The following CDKN2B-AS1 variants were observed in gnomAD, a reference collection of about 807,000 sequenced individuals.
CDKN2B-AS1 encodes CDKN2B and CDKN2A antisense cis and trans regulatory RNA 1.
chr9:22,097,222 T>C (rs1825314212), intron 4 of CDKN2B-AS1: 1 of 152,204 alleles, frequency 6.6e-6, no homozygotes, highest in South Asian at 2.1e-4. Context: ...GATGAGCCCA[T>C]TGGATTTCCC....
At chr9:22,104,893 G>A (rs938521624) in intron 4 of CDKN2B-AS1, among the ~76,000 whole-genome samples, 3 of 152,186 alleles carry the variant, frequency 2.0e-5, no homozygotes, top group South Asian at 2.1e-4. Flanking sequence ...TAAATACCAG[G>A]GACTTTGCTA....
At chr9:22,100,889 C>T (rs1445670011) in intron 4 of CDKN2B-AS1, among the ~76,000 whole-genome samples, 2 of 152,122 alleles carry the variant, frequency 1.3e-5, no homozygotes, top group Non-Finnish European at 2.9e-5. Flanking sequence ...ACTTCCATTC[C>T]CCTAATGACC....
intron 1 of CDKN2B-AS1, among the ~76,000 whole-genome samples, chr9:22,033,597 A>G (rs1337837452): frequency 6.6e-6 from 1 of 152,200 alleles, no homozygotes; most frequent in African/African-American, 2.4e-5. Context: ...TGCAACTGGT[A>G]CAAGGCTAGA....
intron 4 of CDKN2B-AS1, among the ~76,000 whole-genome samples, chr9:22,074,697 A>G (rs530648365): frequency 6.6e-6 from 1 of 152,230 alleles, no homozygotes; most frequent in Non-Finnish European, 1.5e-5. Flanking sequence ...GCACTTTACT[A>G]GGTTCCTGTT....
In CDKN2B-AS1 at chr9:21,995,751, T is replaced by G. The variant is rs922894899; in HGVS notation, n.29+590T>G. 4 of 152,238 alleles carry G rather than the reference T, an allele frequency of 2.6e-5. No homozygotes were observed. The highest frequency in any genetic ancestry group is 2.4e-5 in the African/African-American group (1 of 41,456). The allele number at this position is 152,238 out of a possible 1,614,324, so 9.4% of individuals were successfully genotyped here. On this transcript the variant is annotated intron_variant and non_coding_transcript_variant, in intron 1 of 4. Coordinates refer to ENST00000650946, the Ensembl canonical transcript of CDKN2B-AS1. This position sits in a 1 kb window ranked among gnomAD's most constrained non-coding sequence, Gnocchi z 5.7. ...GTCCTGAGCGCGGTCTAAGCGAGGC[T>G]CGGCTCTCGTCCAGGAACTCGGACG... is the stretch of plus-strand genomic sequence containing the variant.
chr9:22,091,619 C>A (rs1239237195), intron 4 of CDKN2B-AS1, among the ~76,000 whole-genome samples: 1 of 152,108 alleles, frequency 6.6e-6, no homozygotes, highest in African/African-American at 2.4e-5. Context: ...CATGATTTGG[C>A]TCTCTGTCTG....
chr9:22,007,814 T>A (rs1239824538), intron 1 of CDKN2B-AS1, among the ~76,000 whole-genome samples: 1 of 152,170 alleles, frequency 6.6e-6, no homozygotes, highest in Admixed American at 6.5e-5. Flanking sequence ...AATAAAATTT[T>A]AAGTTTTTAA....
intron 4 of CDKN2B-AS1, among the ~76,000 whole-genome samples, chr9:22,059,850 G>A (rs889159921): frequency 2.6e-5 from 4 of 152,348 alleles, no homozygotes; most frequent in Admixed American, 6.5e-5. Context: ...TCAACACCAC[G>A]TGGAAGCTGC....
At chr9:22,105,683 T>G (rs1825634647) in intron 4 of CDKN2B-AS1, among the ~76,000 whole-genome samples, 1 of 152,142 alleles carries the variant, frequency 6.6e-6, no homozygotes, top group African/African-American at 2.4e-5. Flanking sequence ...CCTGTCCAGG[T>G]TCAGTAGGGA....
Position 22,118,507 on chromosome 9 carries a change from T to C in CDKN2B-AS1, n.439-8596T>C, listed in dbSNP as rs576479970. The C allele has an allele frequency of 3.3e-5, 5 of 152,298 alleles. No individual in the cohort carries two copies. In the South Asian group the frequency reaches 1.0e-3, roughly 32 times the overall value. 9.4% of individuals were successfully genotyped at this position (152,298 alleles called of 1,614,324 possible). On this transcript the variant is annotated intron_variant and non_coding_transcript_variant, in intron 4 of 4. Transcript: ENST00000650946. Reference sequence around the variant, plus strand: ...TCATCATTCCTTCTCAGTCCTTGGCTTTGGGAAGGGTAACTTTATGGAGAG... The same window carrying C: ...TCATCATTCCTTCTCAGTCCTTGGCCTTGGGAAGGGTAACTTTATGGAGAG...
intron 4 of CDKN2B-AS1, among the ~76,000 whole-genome samples, chr9:22,106,499 G>A (rs975399802): frequency 1.3e-4 from 20 of 152,320 alleles, no homozygotes; most frequent in African/African-American, 4.1e-4. Context: ...TTATAGGCAT[G>A]CGCTACCGTG....
At chr9:22,058,273 C>A (rs548943600) in intron 4 of CDKN2B-AS1, 1 of 152,196 alleles carries the variant, frequency 6.6e-6, no homozygotes, top group African/African-American at 2.4e-5. Flanking sequence ...TCTGTTCTTA[C>A]GTAATTTTCA....
chr9:22,012,238 G>T, intron 1 of CDKN2B-AS1: 1 of 1,422,672 alleles, frequency 7.0e-7, no homozygotes. Context: ...ATGTCAGTGC[G>T]AAAATTCAAG....
intron 4 of CDKN2B-AS1, among the ~76,000 whole-genome samples, chr9:22,089,966 A>G (rs1182860709): frequency 2.2e-5 from 3 of 134,902 alleles, no homozygotes; most frequent in Non-Finnish European, 4.8e-5. Flanking sequence ...TCCTAATGCT[A>G]TCCCTCCCCC....
intron 1 of CDKN2B-AS1, chr9:22,012,199 T>C (rs1821537752): frequency 2.1e-6 from 3 of 1,399,984 alleles, no homozygotes. Context: ...CCATCACCCT[T>C]GAGGTCGAGC....
chr9:22,064,476 G>A (rs370036925), intron 4 of CDKN2B-AS1, among the ~76,000 whole-genome samples: 2 of 152,188 alleles, frequency 1.3e-5, no homozygotes, highest in South Asian at 4.2e-4. Flanking sequence ...ACCAAAGGGA[G>A]GAAGGTCAAT....
intron 1 of CDKN2B-AS1, among the ~76,000 whole-genome samples, chr9:22,040,831 TGTCA>T (rs1356273106): frequency 2.0e-5 from 3 of 152,096 alleles, no homozygotes; most frequent in African/African-American, 2.4e-5. Flanking sequence ...CTGACATTTC[TGTCA>T]GTCAGTGTTA....
chr9:22,076,064 A>T (rs938974494), intron 4 of CDKN2B-AS1, among the ~76,000 whole-genome samples: 1 of 151,738 alleles, frequency 6.6e-6, no homozygotes, highest in African/African-American at 2.4e-5. Context: ...ATTTTATTTT[A>T]TTTTTTTTAA....
At chr9:22,092,893 A>C (rs147664116) in intron 4 of CDKN2B-AS1, among the ~76,000 whole-genome samples, 2 of 151,750 alleles carry the variant, frequency 1.3e-5, no homozygotes, top group African/African-American at 2.4e-5. Context: ...TCTTGCTTCT[A>C]TAGTTCTTTT....
Sources: allele counts gnomAD v4.1 joint callset (sites outside exome capture counted in the v4.1 genomes callset), GRCh38; gene constraint gnomAD v4.1.1; non-coding constraint Gnocchi (gnomAD v3.1); transcripts MANE v1.5; gene names NCBI Gene and HGNC (gene_info 2026-07-23, HGNC 2026-07-21).